DAB1: variants seen among roughly 807,000 people sequenced by gnomAD.
DAB1 encodes DAB adaptor protein 1.
Under a neutral mutation model 64.6 loss-of-function variants are expected in DAB1, and 15 were observed. The observed-to-expected ratio is 0.23, with a 90% CI of 0.16 to 0.36. The LOEUF (loss-of-function observed/expected upper bound fraction) is 0.36. Among genes scored for constraint, DAB1 ranks in the 10% least tolerant of loss-of-function variants. DAB1 has a pLI of 1.00. For missense variants in DAB1, 596 were observed against 706.7 expected (o/e 0.84, Z 1.78); for synonymous variants, 235 against 251.9 (o/e 0.93, Z 0.64).
chr1:58,117,785 G>C (rs982147379), intron 5 of DAB1, among the ~76,000 whole-genome samples: 2 of 151,778 alleles, frequency 1.3e-5, no homozygotes, highest in African/African-American at 2.4e-5. Context: ...GGATAGCCAT[G>C]CTTCACTGTG....
chr1:57,255,575 A>T (rs1485096263), intron 2 of DAB1, among the ~76,000 whole-genome samples: 1 of 152,116 alleles, frequency 6.6e-6, no homozygotes, highest in African/African-American at 2.4e-5. Flanking sequence ...TGGGAGAATC[A>T]CCTGAGCCAG....
chr1:57,238,919 G>A (rs1343856127), intron 2 of DAB1, among the ~76,000 whole-genome samples: 1 of 148,852 alleles, frequency 6.7e-6, no homozygotes, highest in Non-Finnish European at 1.5e-5. Context: ...GGTTTTCTTA[G>A]CTATAAAGGT....
At chr1:58,281,432 T>A (rs1255719458) in intron 4 of DAB1, among the ~76,000 whole-genome samples, 1 of 152,020 alleles carries the variant, frequency 6.6e-6, no homozygotes, top group Non-Finnish European at 1.5e-5. Context: ...GATCCACCTA[T>A]ATCTCTCCAT....
chr1:57,224,498 GC>G (rs1341823331), intron 2 of DAB1, among the ~76,000 whole-genome samples: 1 of 152,156 alleles, frequency 6.6e-6, no homozygotes, highest in Non-Finnish European at 1.5e-5. Flanking sequence ...CCAAGATGCT[GC>G]TCTCTAACCA....
At chr1:58,373,176 T>C (rs1644284569) in intron 3 of DAB1, among the ~76,000 whole-genome samples, 1 of 151,998 alleles carries the variant, frequency 6.6e-6, no homozygotes, top group African/African-American at 2.4e-5. Flanking sequence ...TTTCTTTTTT[T>C]TTTTTTTAAT....
chr1:58,295,785 A>G (rs1661957865), intron 4 of DAB1, among the ~76,000 whole-genome samples: 1 of 152,224 alleles, frequency 6.6e-6, no homozygotes, highest in African/African-American at 2.4e-5. Flanking sequence ...AAATGGGAAC[A>G]TGGATATCAA....
chr1:57,740,844 A>T (rs140288536), intron 6 of DAB1, among the ~76,000 whole-genome samples: 1 of 152,326 alleles, frequency 6.6e-6, no homozygotes, highest in African/African-American at 2.4e-5. Flanking sequence ...TTATGTGCAA[A>T]TGTGTCAGTA....
intron 6 of DAB1, among the ~76,000 whole-genome samples, chr1:57,811,927 T>G (rs1216335933): frequency 6.6e-6 from 1 of 152,096 alleles, no homozygotes; most frequent in Admixed American, 6.6e-5. Context: ...CTTAGCCTAG[T>G]GAGGAGATGG....
At chr1:58,459,530 C>CT (rs1200308051) in intron 3 of DAB1, among the ~76,000 whole-genome samples, 3 of 152,192 alleles carry the variant, frequency 2.0e-5, no homozygotes, top group Non-Finnish European at 2.9e-5. Context: ...AGAATGGCAA[C>CT]TGGCCTTTCC....
At chr1:58,415,092 G>C (rs1430974068) in intron 3 of DAB1, among the ~76,000 whole-genome samples, 3 of 152,118 alleles carry the variant, frequency 2.0e-5, no homozygotes, top group Admixed American at 6.5e-5. Context: ...CTGAGGTCAG[G>C]AAGGTTGGGC....
chr1:57,645,510 A>G (rs1461360008), intron 7 of DAB1, among the ~76,000 whole-genome samples: 1 of 152,202 alleles, frequency 6.6e-6, no homozygotes, highest in Non-Finnish European at 1.5e-5. Flanking sequence ...TTGTTGTCAA[A>G]AAGATCAACA....
intron 5 of DAB1, among the ~76,000 whole-genome samples, chr1:57,941,863 G>A (rs1645111226): frequency 6.6e-6 from 1 of 151,962 alleles, no homozygotes; most frequent in East Asian, 1.9e-4. Context: ...AATCTAATGG[G>A]GTGGTGAAAA....
At chr1:57,701,643 T>C (rs1028383687) in intron 6 of DAB1, among the ~76,000 whole-genome samples, 40 of 151,680 alleles carry the variant, frequency 2.6e-4, no homozygotes, top group Non-Finnish European at 4.9e-4. Flanking sequence ...TGTATACATA[T>C]GTAACAAACC....
intron 4 of DAB1, among the ~76,000 whole-genome samples, chr1:58,269,543 TG>T (rs201019222): frequency 0.54 from 63,406 of 116,752 alleles, 19,246 homozygotes; most frequent in Middle Eastern, 0.7. Context: ...TACCCAGTAA[TG>T]GGATGGCTGG....
At chr1:58,225,077 A>C (rs1460070156) in intron 4 of DAB1, among the ~76,000 whole-genome samples, 6 of 152,230 alleles carry the variant, frequency 3.9e-5, no homozygotes, top group Middle Eastern at 3.4e-3. Context: ...CAAAGGGCTA[A>C]TATCCAGAAT....
chr1:57,852,818 T>A (rs1055944118), intron 1 of DAB1, among the ~76,000 whole-genome samples: 1 of 152,078 alleles, frequency 6.6e-6, no homozygotes, highest in African/African-American at 2.4e-5. Context: ...TATCATTCTA[T>A]CTCCCTCCTG....
intron 7 of DAB1, among the ~76,000 whole-genome samples, chr1:57,456,051 A>C (rs1381073447): frequency 6.6e-6 from 1 of 152,202 alleles, no homozygotes; most frequent in Admixed American, 6.5e-5. Flanking sequence ...AAAAGCTAAC[A>C]GGATCCTTTA....
At chr1:57,704,878 T>TTCCTTCCCTCCTTCCTTCCTTCCTTCC (rs374859083) in intron 6 of DAB1, among the ~76,000 whole-genome samples, 2 of 146,260 alleles carry the variant, frequency 1.4e-5, no homozygotes, top group African/African-American at 2.5e-5. Context: ...GGAAATTTCT[T>TTCCTTCCCTCCTTCCTTCCTTCCTTCC]TTCCTTCCTT....
At chr1:57,407,980 G>A (rs1442996886) in intron 1 of DAB1, among the ~76,000 whole-genome samples, 1 of 152,106 alleles carries the variant, frequency 6.6e-6, no homozygotes, top group African/African-American at 2.4e-5. Flanking sequence ...CACAGCAAAC[G>A]GGAAATAAAT....
Sources: allele counts gnomAD v4.1 joint callset (sites outside exome capture counted in the v4.1 genomes callset), GRCh38; gene constraint gnomAD v4.1.1; transcripts MANE v1.5; gene names NCBI Gene and HGNC (gene_info 2026-07-23, HGNC 2026-07-21).